The following ZNF592 variants were observed in gnomAD, a reference collection of about 807,000 sequenced individuals.
ZNF592 encodes zinc finger protein 592.
A neutral mutation model predicts 80.3 loss-of-function variants in ZNF592; 11 were observed. The observed-to-expected ratio is 0.14, with a 90% CI of 0.09 to 0.23. The LOEUF (loss-of-function observed/expected upper bound fraction) is 0.23, where lower values mean the gene tolerates loss of function less well. Ranked by LOEUF, ZNF592 falls within the 10% of genes least tolerant of loss-of-function variation. The probability of loss-of-function intolerance (pLI) is 1.00; values close to 1 mark genes in which losing one functional copy is unlikely to be tolerated. For missense variants in ZNF592, 1,420 were observed against 1,633.9 expected (o/e 0.87, Z 2.26); for synonymous variants, 646 against 640.3 (o/e 1.01, Z -0.13).
intron 2 of ZNF592, among the ~76,000 whole-genome samples, chr15:84,769,022 C>T (rs1899621337): frequency 6.6e-6 from 1 of 152,098 alleles, no homozygotes; most frequent in Non-Finnish European, 1.5e-5. Flanking sequence ...CTCACTGCAA[C>T]CTCCACTTCC....
Position 84,784,101 on chromosome 15 carries a change from G to A in ZNF592, c.1426G>A (p.Gly476Ser). ...GPRVPKGAAP[G>S]SQTGKKQQST... ...CCGGGTCCCAAAGGGGGCTGCCCCA[G>A]GCTCACAGACAGGCAAGAAGCAACA... The change falls in exon 4 of 11, where the codon GGC becomes AGC. Residue 476 changes from glycine (G) to serine (S), a missense_variant. Physicochemically the swap from Gly to Ser is moderately conservative, Grantham distance 56. Coordinates refer to ENST00000560079, the MANE Select transcript of ZNF592 (RefSeq NM_014630.3). This position sits in a 1 kb window ranked among gnomAD's most constrained non-coding sequence, Gnocchi z 5.8. 1.2e-6 allele frequency: 2 copies of A among 1,614,180 alleles called. No homozygotes were observed. The highest frequency in any genetic ancestry group is 1.1e-5 in the South Asian group (1 of 91,084).
At chr15:84,776,266 C>T (rs1288831266) in intron 2 of ZNF592, among the ~76,000 whole-genome samples, 1 of 152,274 alleles carries the variant, frequency 6.6e-6, no homozygotes, top group Non-Finnish European at 1.5e-5. Flanking sequence ...AGTGACTGCC[C>T]CCAGGCAAGG....
rs528489585 is a variant in ZNF592, at chr15:84,781,201, C to T, written c.-19-1456C>T. ...GTAGCTGGGATTAAGGCGCCCACCA[C>T]CACGCCTGGCTGATTTTTGTATTTT... On this transcript the variant is annotated intron_variant, in intron 3 of 10. Coordinates refer to ENST00000560079, the MANE Select transcript of ZNF592 (RefSeq NM_014630.3). Among the ~76,000 whole-genome samples the T allele has an allele frequency of 1.4e-4, 22 of 152,140 alleles. 1 individual carries two copies. Among genetic ancestry groups the T allele is most frequent in the African/African-American group, 5.1e-4 (21 of 41,516 alleles).
chr15:84,780,501 T>C (rs1013635194), intron 3 of ZNF592, among the ~76,000 whole-genome samples: 24 of 152,186 alleles, frequency 1.6e-4, no homozygotes, highest in Non-Finnish European at 7.3e-5. Context: ...TTCGTTCTGT[T>C]CAAAACTTTG....
chr15:84,799,309 G>C lies in ZNF592; in HGVS notation c.3137+99G>C. 2.5e-6 allele frequency: 3 copies of C among 1,201,254 alleles called. No homozygotes were observed. Among genetic ancestry groups the C allele is most frequent in the Non-Finnish European group, 3.7e-6 (3 of 809,122 alleles). 74.4% of individuals were successfully genotyped at this position (1,201,254 alleles called of 1,614,324 possible). On this transcript the variant is annotated intron_variant, in intron 9 of 10. Coordinates refer to ENST00000560079, the MANE Select transcript of ZNF592 (RefSeq NM_014630.3). This position sits in a 1 kb window ranked among gnomAD's most constrained non-coding sequence, Gnocchi z 4.2. ...CTGTGCTGCAAGATCAGGTGTCTAA[G>C]ACAAGAGACAAGTGATTTCCAACTG...
chr15:84,756,008 C>CT (rs1273100796), intron 1 of ZNF592, among the ~76,000 whole-genome samples: 1 of 152,142 alleles, frequency 6.6e-6, no homozygotes, highest in Non-Finnish European at 1.5e-5. Context: ...CTAAAGAAAT[C>CT]ATTCCTTTTC....
intron 1 of ZNF592, among the ~76,000 whole-genome samples, chr15:84,760,273 A>G (rs902555053): frequency 6.6e-6 from 1 of 152,082 alleles, no homozygotes; most frequent in Non-Finnish European, 1.5e-5. Context: ...TCCCAGCCAT[A>G]TCTCCTACTC....
chr15:84,762,915 A>G (rs761848379), intron 1 of ZNF592, among the ~76,000 whole-genome samples: 36 of 152,184 alleles, frequency 2.4e-4, no homozygotes, highest in Admixed American at 2.0e-4. Context: ...TGTTGGAAGA[A>G]GCTCTAATCT....
In ZNF592 at chr15:84,783,127, A is replaced by T; in HGVS notation, c.452A>T (p.Asp151Val). ...FSPISSPEPE[D>V]PIKDNGFGIK... ...CCAATCTCCAGCCCAGAACCTGAGG[A>T]TCCCATCAAAGATAACGGATTTGGG... Residue 151 changes from aspartate to valine, a missense_variant, in exon 4 of 11, where the codon GAT (aspartate) becomes GTT (valine). Coordinates refer to ENST00000560079, the MANE Select transcript of ZNF592 (RefSeq NM_014630.3). This position sits in a 1 kb window ranked among gnomAD's most constrained non-coding sequence, Gnocchi z 5.0. 1.2e-6 allele frequency: 2 copies of T among 1,614,138 alleles called. No individual in the cohort carries two copies. Among genetic ancestry groups the T allele is most frequent in the African/African-American group, 2.7e-5 (2 of 75,048 alleles).
chr15:84,773,280 C>T (rs1335390689), intron 2 of ZNF592, among the ~76,000 whole-genome samples: 1 of 148,580 alleles, frequency 6.7e-6, no homozygotes, highest in African/African-American at 2.5e-5. Context: ...GATGCGATCT[C>T]GGCTCACTGC....
Position 84,783,202 on chromosome 15 carries a change from G to T in ZNF592, c.527G>T (p.Gly176Val), listed in dbSNP as rs1352820442. The change falls in exon 4 of 11, where the codon GGG (glycine) becomes GTG (valine). Residue 176 changes from glycine (G) to valine (V), a missense_variant. Physicochemically the swap from Gly to Val is moderately radical, Grantham distance 109 (BLOSUM62 -3). Around this residue, in one of 7 missense-constraint regions of ZNF592, gnomAD observed 373 missense variants for 355.5 expected, o/e 1.05. Coordinates refer to ENST00000560079, the MANE Select transcript of ZNF592 (RefSeq NM_014630.3). The surrounding 1 kb of genome is among the most constrained non-coding windows in gnomAD (Gnocchi z 5.0). ...DSYFPPPLGC[G>V]AVGGPVLEAL... ...TATTTCCCACCCCCTCTTGGGTGCGGGGCTGTGGGAGGCCCAGTCCTGGAG... is the reference window on the plus strand; with the variant it reads ...TATTTCCCACCCCCTCTTGGGTGCGTGGCTGTGGGAGGCCCAGTCCTGGAG... The T allele has an allele frequency of 6.2e-7, 1 of 1,614,066 alleles. No individual in the cohort carries two copies. The highest frequency in any genetic ancestry group is 8.5e-7 in the Non-Finnish European group (1 of 1,180,048).
intron 2 of ZNF592, among the ~76,000 whole-genome samples, chr15:84,775,955 A>G (rs1272055568): frequency 6.6e-6 from 1 of 152,252 alleles, no homozygotes; most frequent in Admixed American, 6.5e-5. Context: ...ACTTATTCTG[A>G]GAGAGGGTAT....
At chr15:84,766,745 A>T (rs1207841828) in intron 2 of ZNF592, among the ~76,000 whole-genome samples, 1 of 75,492 alleles carries the variant, frequency 1.3e-5, no homozygotes, top group Non-Finnish European at 2.9e-5. Flanking sequence ...GTGTGTAAGA[A>T]AAGGGGAATA....
chr15:84,790,619 A>ATGT (rs1962719226), intron 4 of ZNF592, 86 bp from the exon 5 acceptor site: 7 of 1,393,068 alleles, frequency 5.0e-6, no homozygotes, highest in Non-Finnish European at 6.1e-6. Flanking sequence ...ATTCTGACCC[A>ATGT]TGTACTAGCA....
At chr15:84,756,487 T>G (rs1267095793) in intron 1 of ZNF592, among the ~76,000 whole-genome samples, 1 of 152,202 alleles carries the variant, frequency 6.6e-6, no homozygotes, top group Non-Finnish European at 1.5e-5. Context: ...AGGGACATTG[T>G]AGGGCCTGAT....
At chr15:84,790,975 A>C (rs1962730950) in intron 5 of ZNF592, 92 bp downstream of exon 5, 3 of 1,509,006 alleles carry the variant, frequency 2.0e-6, no homozygotes, top group South Asian at 1.1e-5. Context: ...TGGTCTTAAG[A>C]GGCTTGGGTT....
chr15:84,766,208 C>G (rs1448257673), intron 2 of ZNF592, among the ~76,000 whole-genome samples: 1 of 152,002 alleles, frequency 6.6e-6, no homozygotes, highest in African/African-American at 2.4e-5. Flanking sequence ...TTTATGTGTC[C>G]CCTCCTTGCT....
chr15:84,771,427 T>G (rs1422878267), intron 2 of ZNF592, among the ~76,000 whole-genome samples: 1 of 151,978 alleles, frequency 6.6e-6, no homozygotes, highest in East Asian at 1.9e-4. Flanking sequence ...GGGGGATAGC[T>G]CAAACCCTGG....
chr15:84,795,088 T>G (rs927921654), intron 5 of ZNF592, among the ~76,000 whole-genome samples: 2 of 150,172 alleles, frequency 1.3e-5, no homozygotes, highest in African/African-American at 4.9e-5. Context: ...AATATATAAG[T>G]ATATAAAATT....
Sources: allele counts gnomAD v4.1 joint callset (sites outside exome capture counted in the v4.1 genomes callset), GRCh38; gene constraint gnomAD v4.1.1; regional missense constraint gnomAD v4.1.1; non-coding constraint Gnocchi (gnomAD v3.1); transcripts MANE v1.5; gene names NCBI Gene and HGNC (gene_info 2026-07-23, HGNC 2026-07-21).